The following SGK1 variants were observed in gnomAD, a reference collection of about 807,000 sequenced individuals.
SGK1 encodes serine/threonine-protein kinase Sgk1.
SGK1 carries 26 observed loss-of-function variants against 64.2 expected under a neutral mutation model. The observed-to-expected ratio is 0.40, with a 90% CI of 0.30 to 0.56. The LOEUF (loss-of-function observed/expected upper bound fraction) is 0.56. SGK1 is among the 20% of genes least tolerant of loss of function. SGK1 has a pLI of 0.38. For synonymous variants in SGK1, 265 were observed against 239.7 expected (o/e 1.11, Z -0.98); for missense variants, 519 against 645.6 (o/e 0.80, Z 2.12).
intron 3 of SGK1, among the ~76,000 whole-genome samples, chr6:134,184,402 G>A (rs1403177287): frequency 6.6e-6 from 1 of 151,558 alleles, no homozygotes; most frequent in Non-Finnish European, 1.5e-5. Context: ...CTACTTGGGA[G>A]GCTGAGGCAG....
At chr6:134,275,657 C>T (rs368229498) in intron 1 of SGK1, among the ~76,000 whole-genome samples, 8 of 152,268 alleles carry the variant, frequency 5.3e-5, no homozygotes, top group African/African-American at 7.2e-5. Context: ...AATTGAAAAA[C>T]GCTCATCTAA....
intron 1 of SGK1, among the ~76,000 whole-genome samples, chr6:134,284,315 C>G (rs1777145215): frequency 6.6e-6 from 1 of 151,848 alleles, no homozygotes. Context: ...TGGTCTCGAA[C>G]ACCAGACCTC....
intron 1 of SGK1, among the ~76,000 whole-genome samples, chr6:134,300,291 C>A (rs1562278678): frequency 6.6e-6 from 1 of 151,438 alleles, no homozygotes; most frequent in Non-Finnish European, 1.5e-5. Flanking sequence ...GTAATCCCAG[C>A]ACTTTGGGAG....
chr6:134,213,647 A>AAATAAATAAATAAAT lies in SGK1; in HGVS notation c.286-6217_286-6216insATTTATTTATTTATT, dbSNP rs1582715662. 6.1e-5 allele frequency among the ~76,000 whole-genome samples: 9 copies of AAATAAATAAATAAAT among 148,144 alleles called. No individual in the cohort carries two copies. The South Asian group carries it at 6.5e-4, about 11-fold the overall frequency. On this transcript the variant is annotated intron_variant, in intron 2 of 13. Transcript: ENST00000367858. Reference sequence around the variant, plus strand: ...ATAAATAAATAAATAAATAAATAATAAATAAATAAAATGTCCTCATGAAAC... The same window carrying AAATAAATAAATAAAT: ...ATAAATAAATAAATAAATAAATAATAAATAAATAAATAAATAATAAATAAAATGTCCTCATGAAAC...
chr6:134,193,163 C>T (rs986979389), intron 3 of SGK1, among the ~76,000 whole-genome samples: 1 of 152,188 alleles, frequency 6.6e-6, no homozygotes, highest in East Asian at 1.9e-4. Flanking sequence ...GACCTGAAGT[C>T]ACCTCTGTTC....
chr6:134,186,504 A>C (rs1475795867), intron 3 of SGK1, among the ~76,000 whole-genome samples: 2 of 152,222 alleles, frequency 1.3e-5, no homozygotes, highest in East Asian at 3.8e-4. Flanking sequence ...TCTTAACAAA[A>C]CAGGGAGGAA....
chr6:134,278,362 A>T (rs1777047557), intron 1 of SGK1, among the ~76,000 whole-genome samples: 1 of 152,240 alleles, frequency 6.6e-6, no homozygotes, highest in Non-Finnish European at 1.5e-5. Flanking sequence ...AAAGATAAAG[A>T]CTGAATGAAA....
intron 1 of SGK1, chr6:134,297,149 T>C (rs1199051803): frequency 3.3e-6 from 2 of 610,584 alleles, no homozygotes; most frequent in Middle Eastern, 4.9e-4. Context: ...CCCCATAGGC[T>C]GAGCACAGAC....
rs143170380 is a variant in SGK1, at chr6:134,226,001, G to A, written c.286-18570C>T. 1.4e-4 allele frequency among the ~76,000 whole-genome samples: 22 copies of A among 152,030 alleles called. 1 individual carries two copies. In the East Asian group the frequency reaches 3.9e-3, roughly 27 times the overall value. ...CACATGCCTGTAGTCCCAATTACTC[G>A]GGAGGCTGAAGTGGGAGGATCAATC... On this transcript the variant is annotated intron_variant, in intron 2 of 13. Coordinates refer to ENST00000367858, the MANE Select transcript of SGK1 (RefSeq NM_001143676.3).
chr6:134,186,912 G>A (rs1775433383), intron 3 of SGK1, among the ~76,000 whole-genome samples: 1 of 151,806 alleles, frequency 6.6e-6, no homozygotes, highest in African/African-American at 2.4e-5. Flanking sequence ...TGCCTCCTGG[G>A]TTCAAGCAAT....
In SGK1 at chr6:134,194,174, T is replaced by A. The variant is rs977857980; in HGVS notation, c.361+13182A>T. ...ACTGTGGCCCCAGCTGGAAATCTTT[T>A]TTTTTTTTTCTCATCAATGTTATAA... On this transcript the variant is annotated intron_variant, in intron 3 of 13. Coordinates refer to ENST00000367858, the MANE Select transcript of SGK1 (RefSeq NM_001143676.3). Among the ~76,000 whole-genome samples, 3 of 152,116 alleles carry A rather than the reference T, an allele frequency of 2.0e-5. No homozygotes were observed. In the South Asian group the frequency reaches 6.2e-4, roughly 32 times the overall value.
At chr6:134,174,999 AC>A in intron 3 of SGK1, 1 of 1,166,068 alleles carries the variant, frequency 8.6e-7, no homozygotes, top group Non-Finnish European at 1.2e-6. Flanking sequence ...GCTGGCGGCT[AC>A]GCTGCCTGCG....
chr6:134,305,917 G>A (rs978208179), intron 1 of SGK1, among the ~76,000 whole-genome samples: 2 of 152,044 alleles, frequency 1.3e-5, no homozygotes, highest in East Asian at 1.9e-4. Flanking sequence ...ATAGACCTTA[G>A]GCATTTCACC....
In SGK1 at chr6:134,173,986, G is replaced by A. The variant is rs976876867; in HGVS notation, c.513+19C>T. 1.9e-6 allele frequency: 3 copies of A among 1,572,080 alleles called. No individual in the cohort carries two copies. The highest frequency in any genetic ancestry group is 3.4e-5 in the Admixed American group (2 of 58,750). On this transcript the variant is annotated intron_variant, in intron 5 of 13. Transcript: ENST00000367858. Reference sequence around the variant, plus strand: ...CCCTTACAGTTCTCCACAGATGCACGGCACATACAAAAACTTACTGGAGGA... The same window carrying A: ...CCCTTACAGTTCTCCACAGATGCACAGCACATACAAAAACTTACTGGAGGA...
intron 2 of SGK1, among the ~76,000 whole-genome samples, chr6:134,247,918 C>T (rs1776549349): frequency 6.6e-6 from 1 of 152,054 alleles, no homozygotes; most frequent in African/African-American, 2.4e-5. Context: ...ATTACCAATC[C>T]ATTATGCAAC....
intron 1 of SGK1, among the ~76,000 whole-genome samples, chr6:134,280,504 C>T (rs2114769261): frequency 6.6e-6 from 1 of 152,214 alleles, no homozygotes; most frequent in East Asian, 1.9e-4. Flanking sequence ...TCTCAAACTA[C>T]CGGGCTCAAG....
At chr6:134,191,601 G>A (rs1172768666) in intron 3 of SGK1, among the ~76,000 whole-genome samples, 1 of 151,776 alleles carries the variant, frequency 6.6e-6, no homozygotes, top group Non-Finnish European at 1.5e-5. Context: ...TATAATAGCT[G>A]ACATTTCTTG....
At chr6:134,316,551 C>T (rs1777687261) in intron 1 of SGK1, among the ~76,000 whole-genome samples, 2 of 151,870 alleles carry the variant, frequency 1.3e-5, no homozygotes, top group African/African-American at 2.4e-5. Flanking sequence ...TTACACAGAC[C>T]ACCAGTGTGG....
chr6:134,281,578 C>T (rs553769501), intron 1 of SGK1, among the ~76,000 whole-genome samples: 4 of 149,390 alleles, frequency 2.7e-5, no homozygotes, highest in East Asian at 2.0e-4. Context: ...AGTGCAGTGG[C>T]GTAATCACAG....
Sources: allele counts gnomAD v4.1 joint callset (sites outside exome capture counted in the v4.1 genomes callset), GRCh38; gene constraint gnomAD v4.1.1; transcripts MANE v1.5; gene names NCBI Gene and HGNC (gene_info 2026-07-23, HGNC 2026-07-21).